The following SPATA31H1 variants were observed in gnomAD, a reference collection of about 807,000 sequenced individuals.
The protein encoded by SPATA31H1 is spermatogenesis-associated protein 31H1.
the SPATA31H1 span, chr2:27,574,050 C>T: frequency 4.8e-5 from 19 of 398,152 alleles, no homozygotes; most frequent in Non-Finnish European, 7.1e-5. Flanking sequence ...GAAAGATATC[C>T]CATATTATGA....
At chr2:27,579,667 C>T in the SPATA31H1 span, 3 of 1,614,100 alleles carry the variant, frequency 1.9e-6, no homozygotes, top group Non-Finnish European at 2.5e-6. Context: ...AAGTCAGAGT[C>T]TTCCCTCAGC....
At chr2:27,575,688 T>G in the SPATA31H1 span, 1 of 398,518 alleles carries the variant, frequency 2.5e-6, no homozygotes, top group Middle Eastern at 6.3e-4. This position sits in a 1 kb window ranked among gnomAD's most constrained non-coding sequence, Gnocchi z 4.1. Flanking sequence ...TGGGAGCAAC[T>G]GTGGGCTACC....
the SPATA31H1 span, chr2:27,570,055 A>C: frequency 2.5e-6 from 1 of 398,968 alleles, no homozygotes; most frequent in Middle Eastern, 6.3e-4. Context: ...CCAGAATCAC[A>C]ACCTCAAGAT....
chr2:27,570,273 T>A, the SPATA31H1 span: 1 of 398,836 alleles, frequency 2.5e-6, no homozygotes, highest in Non-Finnish European at 4.4e-6. Context: ...ATCTGTTCTG[T>A]CTACTGAAGG....
the SPATA31H1 span, among the ~76,000 whole-genome samples, chr2:27,539,371 G>A: frequency 2.2e-5 from 3 of 137,220 alleles, no homozygotes; most frequent in Admixed American, 7.2e-5. Flanking sequence ...ATCTTGCACC[G>A]CCCTTAATCC....
the SPATA31H1 span, among the ~76,000 whole-genome samples, chr2:27,561,228 A>G: frequency 2.6e-5 from 4 of 152,218 alleles, no homozygotes; most frequent in South Asian, 8.3e-4. Flanking sequence ...CTTCCCCAGG[A>G]GGCTGAGGTG....
the SPATA31H1 span, among the ~76,000 whole-genome samples, chr2:27,550,544 G>C: frequency 1.3e-5 from 2 of 149,520 alleles, no homozygotes; most frequent in East Asian, 2.0e-4. Context: ...TCAGTCTCCT[G>C]AGTAGCTGGG....
chr2:27,566,810 T>C, the SPATA31H1 span: 5 of 717,780 alleles, frequency 7.0e-6, no homozygotes, highest in Non-Finnish European at 1.0e-5. Flanking sequence ...TTCTTGTGGC[T>C]CAGAAGACTG....
chr2:27,561,176 C>CA, the SPATA31H1 span, among the ~76,000 whole-genome samples: 1 of 152,066 alleles, frequency 6.6e-6, no homozygotes, highest in African/African-American at 2.4e-5. Context: ...ACGAAAAATA[C>CA]AAAAATGACC....
the SPATA31H1 span, among the ~76,000 whole-genome samples, chr2:27,560,863 G>A: frequency 3.3e-3 from 503 of 152,262 alleles, 6 homozygotes; most frequent in Middle Eastern, 0.01. Context: ...CAGATAATGT[G>A]AACTTGAGCT....
At chr2:27,579,996 C>A in the SPATA31H1 span, 10 of 1,614,072 alleles carry the variant, frequency 6.2e-6, no homozygotes, top group African/African-American at 2.7e-5. Context: ...CACTTCGGGG[C>A]CTTATCTTCT....
chr2:27,572,218 T>C, the SPATA31H1 span: 29 of 398,372 alleles, frequency 7.3e-5, no homozygotes, highest in African/African-American at 4.1e-4. Context: ...TCTCCCAAGT[T>C]GACCCCAGGA....
the SPATA31H1 span, chr2:27,579,477 C>T: frequency 1.4e-5 from 22 of 1,614,114 alleles, no homozygotes; most frequent in Admixed American, 1.8e-4. Flanking sequence ...TTATCATGGT[C>T]ATAAGAAAAG....
At chr2:27,555,500 C>A in the SPATA31H1 span, among the ~76,000 whole-genome samples, 110 of 151,618 alleles carry the variant, frequency 7.3e-4, no homozygotes, top group African/African-American at 2.6e-3. Flanking sequence ...AGTAAGATCC[C>A]ATCTCTCCAA....
chr2:27,580,303 A>G, the SPATA31H1 span: 3 of 1,614,072 alleles, frequency 1.9e-6, no homozygotes, highest in Non-Finnish European at 2.5e-6. Flanking sequence ...GACTTAGTAG[A>G]AAAGACAAAA....
chr2:27,575,644 T>C, the SPATA31H1 span: 1 of 398,498 alleles, frequency 2.5e-6, no homozygotes, highest in Non-Finnish European at 4.4e-6. The surrounding 1 kb of genome is among the most constrained non-coding windows in gnomAD (Gnocchi z 4.1). Flanking sequence ...TCTGTATCCA[T>C]TCCAGAGCCA....
the SPATA31H1 span, chr2:27,581,356 G>C: frequency 2.1e-5 from 34 of 1,606,274 alleles, no homozygotes; most frequent in Non-Finnish European, 1.7e-6. Flanking sequence ...AGTCCCTCTA[G>C]GAAAAACCAT....
chr2:27,581,983 G>A, the SPATA31H1 span: 2,834 of 1,613,682 alleles, frequency 1.8e-3, 20 homozygotes, highest in Middle Eastern at 0.029. Flanking sequence ...CCCTCTGAGA[G>A]AAGACGTCAC....
the SPATA31H1 span, among the ~76,000 whole-genome samples, chr2:27,545,025 AT>A: frequency 0.56 from 82,196 of 146,632 alleles, 23,185 homozygotes; most frequent in East Asian, 0.83. Flanking sequence ...AAAAAGTCAA[AT>A]TTTTTTTTTT....
Sources: gnomAD v4.1 joint callset for allele counts (sites outside exome capture counted in the v4.1 genomes callset) on GRCh38, gnomAD v4.1.1 for gene constraint, Gnocchi (gnomAD v3.1) non-coding constraint, MANE v1.5 for transcripts, NCBI Gene and HGNC (gene_info 2026-07-23, HGNC 2026-07-21) for gene names.